The following BRCA2 variants were observed in gnomAD, a reference collection of about 807,000 sequenced individuals.
BRCA2 encodes BRCA2 DNA repair associated.
BRCA2 carries 203 observed loss-of-function variants against 276.7 expected under a neutral mutation model. The ratio of observed to expected loss-of-function variants is 0.73; its 90% confidence interval spans 0.65 to 0.82. BRCA2 has a LOEUF of 0.82. BRCA2 is among the 40% of genes least tolerant of loss of function. BRCA2 has a pLI of 0.00. For missense variants in BRCA2, 3,920 were observed against 3,915.0 expected (o/e 1.00, Z -0.03); for synonymous variants, 1,289 against 1,338.4 (o/e 0.96, Z 0.81).
rs561397171 is a variant in BRCA2 at position 32,317,113 on chromosome 13, C to T, written c.67+586C>T. Among the ~76,000 whole-genome samples the T allele has an allele frequency of 3.0e-4, 46 of 152,212 alleles. No homozygotes were observed. In the East Asian group the frequency reaches 7.9e-3, roughly 26 times the overall value. The stretch of plus-strand genomic sequence containing the variant: ...ACACGGGAGGTGGAGGCAGGAGAAT[C>T]GCTTGAACCCTGGAGGCAGAGGTTG... On this transcript the variant is annotated intron_variant, in intron 2 of 26. Coordinates refer to ENST00000380152, the MANE Select transcript of BRCA2 (RefSeq NM_000059.4).
At chr13:32,343,820 G>T (rs1361135033) in intron 11 of BRCA2, among the ~76,000 whole-genome samples, 1 of 151,992 alleles carries the variant, frequency 6.6e-6, no homozygotes, top group Non-Finnish European at 1.5e-5. Context: ...CTGGTTACTG[G>T]AACAGTACAG....
At chr13:32,397,798 T>G (rs2137661457) in intron 26 of BRCA2, among the ~76,000 whole-genome samples, 1 of 152,320 alleles carries the variant, frequency 6.6e-6, no homozygotes, top group South Asian at 2.1e-4. Context: ...AAAGTAGGTA[T>G]TAGAACCCAG....
chr13:32,321,381 G>A (rs1295661300), intron 3 of BRCA2, among the ~76,000 whole-genome samples: 5 of 152,314 alleles, frequency 3.3e-5, no homozygotes, highest in African/African-American at 1.2e-4. Flanking sequence ...ATACACTAGT[G>A]TGATATGTTA....
Position 32,399,479 on chromosome 13 carries a change from A to G in BRCA2, c.*709A>G. 1 of 186,078 alleles carries G rather than the reference A, an allele frequency of 5.4e-6. No individual in the cohort carries two copies. The highest frequency in any genetic ancestry group is 8.7e-5 in the East Asian group (1 of 11,532). 11.5% of individuals were successfully genotyped at this position (186,078 alleles called of 1,614,324 possible). A position where few individuals can be genotyped will look rare whatever the true frequency, so the allele number is the denominator to read the frequency against. ...ATCCTTAAGTCAGCATGATTATAAG[A>G]AAAATAGAACCCTCAGTGTAACTCT... On this transcript the variant is annotated 3_prime_UTR_variant, in exon 27 of 27. Transcript: ENST00000380152.
chr13:32,397,903 T>G (rs1045215043), intron 26 of BRCA2, among the ~76,000 whole-genome samples: 5 of 152,232 alleles, frequency 3.3e-5, no homozygotes, highest in Admixed American at 3.3e-4. Context: ...TGACGTCCCC[T>G]ACCTCCTTTT....
In BRCA2 at chr13:32,371,052, C is replaced by A. The variant is rs1131692114; in HGVS notation, c.8584C>A (p.Leu2862Ile). The change falls in exon 20 of 27, where the codon CTA becomes ATA. Residue 2862 changes from leucine (L) to isoleucine (I), a missense_variant. Physicochemically the swap from Leu to Ile is conservative, Grantham distance 5 (BLOSUM62 2). Transcript: ENST00000380152. ...ATATGTGGAGGCCCAACAAAAGAGACTAGAAGCCTTATTCACTAAAATTCA... is the reference window on the plus strand; with the variant it reads ...ATATGTGGAGGCCCAACAAAAGAGAATAGAAGCCTTATTCACTAAAATTCA... ...AKYVEAQQKR[L>I]EALFTKIQEE... The A allele has an allele frequency of 6.2e-7, 1 of 1,614,070 alleles. No homozygotes were observed. The highest frequency in any genetic ancestry group is 8.5e-7 in the Non-Finnish European group (1 of 1,179,982).
In BRCA2 at chr13:32,398,923, AAT is replaced by A; in HGVS notation, c.*154_*155del. The A allele has an allele frequency of 1.9e-6, 2 of 1,029,716 alleles. No homozygotes were observed. The highest frequency in any genetic ancestry group is 1.4e-6 in the Non-Finnish European group (1 of 736,484). The allele number at this position is 1,029,716 out of a possible 1,614,324, so 63.8% of individuals were successfully genotyped here. A position where few individuals can be genotyped will look rare whatever the true frequency, so the allele number is the denominator to read the frequency against. On this transcript the variant is annotated 3_prime_UTR_variant, in exon 27 of 27. Coordinates refer to ENST00000380152, the MANE Select transcript of BRCA2 (RefSeq NM_000059.4). ...CCTCAGCGTTTGTGTATCGGGCAAA[AAT>A]CGTTTTGCCCGATTCCGTATTGGTA... is the stretch of plus-strand genomic sequence containing the variant.
intron 24 of BRCA2, among the ~76,000 whole-genome samples, chr13:32,392,500 A>C (rs1415438051): frequency 2.6e-5 from 4 of 152,040 alleles, no homozygotes; most frequent in Non-Finnish European, 5.9e-5. Context: ...AGCCTGGCCA[A>C]CATGGCTTGA....
In BRCA2 at chr13:32,316,599, C is replaced by A. The variant is rs2072263404; in HGVS notation, c.67+72C>A. 9.2e-6 allele frequency: 12 copies of A among 1,303,652 alleles called. No homozygotes were observed. In the South Asian group the frequency reaches 1.3e-4, roughly 14 times the overall value. The allele number at this position is 1,303,652 out of a possible 1,614,324, so 80.8% of individuals were successfully genotyped here. A position where few individuals can be genotyped will look rare whatever the true frequency, so the allele number is the denominator to read the frequency against. ...TTTTCTAAAAAATGCTTGCTAAAAA[C>A]CCAGTACGTCACAGTGTTGCTTAGA... On this transcript the variant is annotated intron_variant, in intron 2 of 26. Transcript: ENST00000380152.
chr13:32,375,128 G>A (rs1480163068), intron 20 of BRCA2, among the ~76,000 whole-genome samples: 1 of 152,200 alleles, frequency 6.6e-6, no homozygotes, highest in Non-Finnish European at 1.5e-5. Context: ...AACAGCATGG[G>A]AGAAACTGCC....
At chr13:32,349,977 A>C (rs1174276330) in intron 13 of BRCA2, among the ~76,000 whole-genome samples, 4 of 152,186 alleles carry the variant, frequency 2.6e-5, no homozygotes, top group Non-Finnish European at 5.9e-5. Context: ...CTTGAAAGCA[A>C]GAAGAAGTTA....
At chr13:32,385,056 C>A in intron 24 of BRCA2, 1 of 310,450 alleles carries the variant, frequency 3.2e-6, no homozygotes, top group Non-Finnish European at 6.5e-6. Flanking sequence ...CAAGTCCTTT[C>A]TGTCACAGAA....
chr13:32,327,628 A>G (rs1004635457), intron 7 of BRCA2, among the ~76,000 whole-genome samples: 4 of 150,090 alleles, frequency 2.7e-5, no homozygotes, highest in Non-Finnish European at 5.9e-5. Context: ...TGAGATCATC[A>G]CGCCACTGCA....
intron 21 of BRCA2, among the ~76,000 whole-genome samples, chr13:32,378,000 G>A (rs939400409): frequency 1.3e-5 from 2 of 152,194 alleles, no homozygotes; most frequent in African/African-American, 4.8e-5. Flanking sequence ...CCTGTGAGAA[G>A]TGAGTCCGGT....
chr13:32,362,730 G>A (rs1486935200), intron 17 of BRCA2, 37 bp downstream of exon 17: 1 of 1,607,858 alleles, frequency 6.2e-7, no homozygotes, highest in Admixed American at 1.7e-5. Flanking sequence ...ATCATATACG[G>A]CAGTATGGTT....
At chr13:32,328,979 A>G (rs988015574) in intron 7 of BRCA2, among the ~76,000 whole-genome samples, 2 of 152,192 alleles carry the variant, frequency 1.3e-5, no homozygotes, top group Admixed American at 1.3e-4. Flanking sequence ...GCAAAATAGC[A>G]TTCTGTTTTG....
At chr13:32,350,460 C>G (rs1444061236) in intron 13 of BRCA2, among the ~76,000 whole-genome samples, 1 of 151,840 alleles carries the variant, frequency 6.6e-6, no homozygotes, top group African/African-American at 2.4e-5. Context: ...TATATACTAC[C>G]CATTAATGGC....
chr13:32,356,755 C>A, intron 15 of BRCA2, 146 bp downstream of exon 15: 1 of 1,071,650 alleles, frequency 9.3e-7, no homozygotes, highest in Non-Finnish European at 1.4e-6. Context: ...TCTAATTAGC[C>A]TGCAGTGGCA....
Position 32,356,577 on chromosome 13 carries a change from G to A in BRCA2, c.7585G>A (p.Gly2529Ser), listed in dbSNP as rs398122585. 3 of 1,614,082 alleles carry A rather than the reference G, an allele frequency of 1.9e-6. No individual in the cohort carries two copies. Among genetic ancestry groups the A allele is most frequent in the African/African-American group, 2.7e-5 (2 of 74,934 alleles). ...PRISLKAAVG[G>S]QVPSACSHKQ... The stretch of plus-strand genomic sequence containing the variant: ...AATCTCTCTGAAAGCAGCAGTAGGA[G>A]GCCAAGTTCCCTCTGCGTGTTCTCA... Residue 2529 changes from glycine (G) to serine (S), a missense_variant, in exon 15 of 27, where the codon GGC (glycine) becomes AGC (serine). By Grantham distance (56) the Gly-to-Ser change is moderately conservative. This residue lies in a region of BRCA2 where 3,263 missense variants were observed against 3,156.9 expected (regional missense o/e 1.03). Transcript: ENST00000380152.
Sources: gnomAD v4.1 joint callset for allele counts (sites outside exome capture counted in the v4.1 genomes callset) on GRCh38, gnomAD v4.1.1 for gene constraint, gnomAD v4.1.1 regional missense constraint, MANE v1.5 for transcripts, NCBI Gene and HGNC (gene_info 2026-07-23, HGNC 2026-07-21) for gene names.